The following MYT1L variants were observed in gnomAD, a reference collection of about 807,000 sequenced individuals.
MYT1L encodes myelin transcription factor 1 like.
A neutral mutation model predicts 126.7 loss-of-function variants in MYT1L; 12 were observed. The ratio of observed to expected loss-of-function variants is 0.09; its 90% CI spans 0.06 to 0.15. The LOEUF (loss-of-function observed/expected upper bound fraction) is 0.15, where lower values mean the gene tolerates loss of function less well. Ranked by LOEUF, MYT1L falls within the 10% of genes least tolerant of loss-of-function variation. MYT1L has a pLI of 1.00. For missense variants in MYT1L, 979 were observed against 1,585.2 expected, an observed-to-expected ratio of 0.62 and a Z score of 6.49; for synonymous variants, 541 against 604.2, an observed-to-expected ratio of 0.90 and a Z score of 1.53.
At chr2:2,082,276 A>G (rs1021096889) in intron 3 of MYT1L, among the ~76,000 whole-genome samples, 1 of 152,220 alleles carries the variant, frequency 6.6e-6, no homozygotes, top group Non-Finnish European at 1.5e-5. Context: ...TCAGTTGCTC[A>G]AGCTTTCAAA....
At chr2:2,101,226 T>C (rs920015927) in intron 3 of MYT1L, among the ~76,000 whole-genome samples, 2 of 152,162 alleles carry the variant, frequency 1.3e-5, no homozygotes, top group African/African-American at 4.8e-5. Context: ...TTGTAGTAGA[T>C]ACTTTTTTCT....
chr2:2,186,149 G>A (rs1220498953), intron 2 of MYT1L, among the ~76,000 whole-genome samples: 6 of 135,304 alleles, frequency 4.4e-5, no homozygotes, highest in African/African-American at 9.3e-5. Context: ...GGACGCAGCC[G>A]GGCCTCCCAG....
At chr2:2,132,238 G>A (rs1575392915) in intron 3 of MYT1L, among the ~76,000 whole-genome samples, 2 of 151,914 alleles carry the variant, frequency 1.3e-5, no homozygotes, top group Non-Finnish European at 2.9e-5. Context: ...GAGCTTGAGG[G>A]TCTCTTAAGA....
At chr2:2,063,439 CG>C in intron 3 of MYT1L, among the ~76,000 whole-genome samples, 1 of 152,196 alleles carries the variant, frequency 6.6e-6, no homozygotes, top group South Asian at 2.1e-4. Context: ...TCTGACCTGT[CG>C]GGGGTCTTTG....
At chr2:1,949,037 G>GAT (rs1303010590) in intron 8 of MYT1L, among the ~76,000 whole-genome samples, 1 of 152,052 alleles carries the variant, frequency 6.6e-6, no homozygotes. Flanking sequence ...TCGTAAATAT[G>GAT]ATCACTAGTA....
At chr2:2,170,138 T>C (rs2089813500) in intron 3 of MYT1L, among the ~76,000 whole-genome samples, 1 of 152,202 alleles carries the variant, frequency 6.6e-6, no homozygotes, top group Admixed American at 6.5e-5. Flanking sequence ...GAGTAGCACA[T>C]CTGTGGACAG....
At chr2:1,802,831 C>T (rs1324925938) in intron 22 of MYT1L, among the ~76,000 whole-genome samples, 1 of 152,172 alleles carries the variant, frequency 6.6e-6, no homozygotes, top group Non-Finnish European at 1.5e-5. Context: ...ACACAATCAC[C>T]CTAGAAAATT....
intron 18 of MYT1L, among the ~76,000 whole-genome samples, chr2:1,880,401 G>A (rs530115005): frequency 1.4e-4 from 22 of 152,218 alleles, no homozygotes; most frequent in Admixed American, 2.6e-4. Flanking sequence ...GCAGTGGCGC[G>A]ATCTCGGCTC....
intron 18 of MYT1L, among the ~76,000 whole-genome samples, chr2:1,853,982 T>TA (rs2043598399): frequency 6.6e-6 from 1 of 152,248 alleles, no homozygotes; most frequent in Admixed American, 6.5e-5. Context: ...TGTGGCAACT[T>TA]AATGTCCTGT....
chr2:2,282,207 A>C (rs562405467), intron 2 of MYT1L, among the ~76,000 whole-genome samples: 1 of 152,218 alleles, frequency 6.6e-6, no homozygotes, highest in African/African-American at 2.4e-5. Context: ...TATCATTTAC[A>C]TATCACCACT....
chr2:2,144,079 C>T (rs943551727), intron 3 of MYT1L, among the ~76,000 whole-genome samples: 1 of 152,164 alleles, frequency 6.6e-6, no homozygotes, highest in Non-Finnish European at 1.5e-5. Context: ...AAAGCCTGCA[C>T]ATGTACCCCC....
chr2:1,874,906 C>T (rs532183328), intron 18 of MYT1L, among the ~76,000 whole-genome samples: 3 of 152,122 alleles, frequency 2.0e-5, no homozygotes, highest in Middle Eastern at 3.2e-3. Flanking sequence ...AGGAAGAGCC[C>T]GGAGCTTGGA....
intron 4 of MYT1L, among the ~76,000 whole-genome samples, chr2:2,001,899 C>T (rs1035120646): frequency 3.9e-5 from 6 of 152,124 alleles, no homozygotes; most frequent in Non-Finnish European, 5.9e-5. Flanking sequence ...GATCCTCTTG[C>T]TCAGAGGTGG....
Position 1,943,404 on chromosome 2 carries a change from C to G in MYT1L, c.153-70G>C. 6.9e-6 allele frequency: 10 copies of G among 1,447,968 alleles called. No individual in the cohort carries two copies. In the South Asian group the frequency reaches 1.5e-4, roughly 22 times the overall value. 89.7% of individuals were successfully genotyped at this position (1,447,968 alleles called of 1,614,324 possible). On this transcript the variant is annotated intron_variant, in intron 8 of 24. Coordinates refer to ENST00000647738, the MANE Select transcript of MYT1L (RefSeq NM_001303052.2). The surrounding 1 kb of genome is among the most constrained non-coding windows in gnomAD (Gnocchi z 4.4). ...TATCTGTGTTACTGTCTTTTAAAATCAGACCAATGGGGGCCTTGATCAAGG... is the reference window on the plus strand; with the variant it reads ...TATCTGTGTTACTGTCTTTTAAAATGAGACCAATGGGGGCCTTGATCAAGG...
At chr2:1,900,475 A>G (rs1484466094) in intron 14 of MYT1L, among the ~76,000 whole-genome samples, 2 of 152,112 alleles carry the variant, frequency 1.3e-5, no homozygotes, top group Non-Finnish European at 2.9e-5. Flanking sequence ...AATTTTTTGT[A>G]TTTTTAGTAG....
At chr2:2,090,242 C>T (rs2150377817) in intron 3 of MYT1L, among the ~76,000 whole-genome samples, 1 of 152,254 alleles carries the variant, frequency 6.6e-6, no homozygotes, top group South Asian at 2.1e-4. Context: ...TCTGTTTAAA[C>T]ACACCCTGTT....
intron 21 of MYT1L, chr2:1,825,102 A>G (rs571778375): frequency 1.3e-5 from 2 of 152,208 alleles, no homozygotes; most frequent in Non-Finnish European, 2.9e-5. Context: ...TTCCCCTGAG[A>G]GCAACATGGA....
chr2:2,264,429 A>C (rs934314774), intron 2 of MYT1L, among the ~76,000 whole-genome samples: 2 of 152,236 alleles, frequency 1.3e-5, no homozygotes, highest in Admixed American at 1.3e-4. Context: ...ATAATACTCA[A>C]ATTTGCAAAG....
intron 2 of MYT1L, among the ~76,000 whole-genome samples, chr2:2,264,954 A>G (rs1403799429): frequency 6.6e-6 from 1 of 152,184 alleles, no homozygotes; most frequent in Non-Finnish European, 1.5e-5. Context: ...GGAGGCAGCG[A>G]GACTTGGGTT....
Sources: gnomAD v4.1 joint callset for allele counts (sites outside exome capture counted in the v4.1 genomes callset) on GRCh38, gnomAD v4.1.1 for gene constraint, Gnocchi (gnomAD v3.1) non-coding constraint, MANE v1.5 for transcripts, NCBI Gene and HGNC (gene_info 2026-07-23, HGNC 2026-07-21) for gene names.